Variants in MYLK observed in about 807,000 individuals in gnomAD.
MYLK encodes the protein myosin light chain kinase, smooth muscle.
A neutral mutation model predicts 203.4 loss-of-function variants in MYLK; 106 were observed. The observed-to-expected ratio is 0.52, with a 90% CI of 0.45 to 0.61. The LOEUF is 0.61. Ranked by LOEUF, MYLK falls within the 20% of genes least tolerant of loss-of-function variation. The pLI, the probability that MYLK is intolerant of heterozygous loss-of-function variation, is 0.00. For missense variants in MYLK, 2,072 were observed against 2,442.3 expected (o/e 0.85, Z 3.20); for synonymous variants, 867 against 959.5 (o/e 0.90, Z 1.78).
At chr3:123,672,317 C>T (rs1051821617) in intron 20 of MYLK, among the ~76,000 whole-genome samples, 3 of 151,994 alleles carry the variant, frequency 2.0e-5, no homozygotes, top group African/African-American at 7.2e-5. Context: ...GAGAAAAGAA[C>T]ATGTGAGGAC....
At chr3:123,703,005 C>G (rs1460477368) in intron 16 of MYLK, among the ~76,000 whole-genome samples, 1 of 152,184 alleles carries the variant, frequency 6.6e-6, no homozygotes, top group Non-Finnish European at 1.5e-5. Flanking sequence ...AGTTATCAAC[C>G]ATACACATGA....
intron 18 of MYLK, among the ~76,000 whole-genome samples, chr3:123,695,388 A>C (rs1174943778): frequency 3.3e-5 from 5 of 152,234 alleles, no homozygotes; most frequent in Non-Finnish European, 1.5e-5. Flanking sequence ...ACCCTGTCTA[A>C]CACCACTGTT....
At chr3:123,873,241 A>G (rs1298482978) in intron 2 of MYLK, among the ~76,000 whole-genome samples, 1 of 152,206 alleles carries the variant, frequency 6.6e-6, no homozygotes, top group Non-Finnish European at 1.5e-5. Flanking sequence ...ACAAATCATT[A>G]TTCATTCACG....
chr3:123,820,640 TTCCC>T (rs769326334), intron 3 of MYLK, among the ~76,000 whole-genome samples: 23,254 of 115,428 alleles, frequency 0.2, 2,458 homozygotes, highest in Non-Finnish European at 0.27. Context: ...CCTTCCTTCC[TTCCC>T]TCCTTCCTTC....
intron 3 of MYLK, among the ~76,000 whole-genome samples, chr3:123,803,302 T>C (rs2065259469): frequency 6.6e-6 from 1 of 152,226 alleles, no homozygotes. Flanking sequence ...CTATCGTTAA[T>C]GGTGTTACTG....
chr3:123,854,065 A>G (rs1402288626), intron 2 of MYLK, among the ~76,000 whole-genome samples: 3 of 151,402 alleles, frequency 2.0e-5, no homozygotes, highest in Admixed American at 6.6e-5. Flanking sequence ...AATTTGGAAG[A>G]GAACTAAGAC....
intron 4 of MYLK, among the ~76,000 whole-genome samples, chr3:123,785,970 T>C (rs1025069649): frequency 6.6e-6 from 1 of 152,154 alleles, no homozygotes. Flanking sequence ...AAGCAAAAGA[T>C]AAACAATAAT....
rs957217352 is a variant in MYLK, at chr3:123,638,796, G to T, written c.4838-602C>A. The T allele has an allele frequency of 5.1e-6, 5 of 985,280 alleles. No individual in the cohort carries two copies. In the African/African-American group the frequency reaches 7.0e-5, roughly 14 times the overall value. 61.0% of individuals were successfully genotyped at this position (985,280 alleles called of 1,614,324 possible). A position where few individuals can be genotyped will look rare whatever the true frequency, so the allele number is the denominator to read the frequency against. ...CATGGCTGTCCTTCAGGAGCTACTG[G>T]TAGGGTAGTCGGGAGAGGCTTCAAC... On this transcript the variant is annotated intron_variant, in intron 28 of 33. Transcript: ENST00000360304.
At chr3:123,678,129 G>A (rs2060137849) in intron 20 of MYLK, among the ~76,000 whole-genome samples, 1 of 151,766 alleles carries the variant, frequency 6.6e-6, no homozygotes, top group African/African-American at 2.4e-5. Context: ...CGGCTGAAGT[G>A]ACATAGATCG....
chr3:123,850,012 C>T (rs941949181), intron 2 of MYLK, among the ~76,000 whole-genome samples: 13 of 152,194 alleles, frequency 8.5e-5, no homozygotes, highest in African/African-American at 2.4e-4. Flanking sequence ...TTTGTCCTTG[C>T]GATAGTTTGC....
At chr3:123,815,208 T>C (rs1256048525) in intron 3 of MYLK, among the ~76,000 whole-genome samples, 1 of 152,310 alleles carries the variant, frequency 6.6e-6, no homozygotes, top group Middle Eastern at 3.4e-3. Context: ...TCCTCTTGAT[T>C]CCTGTCAACT....
chr3:123,673,009 C>T (rs1276359524), intron 20 of MYLK, among the ~76,000 whole-genome samples: 1 of 152,094 alleles, frequency 6.6e-6, no homozygotes, highest in Non-Finnish European at 1.5e-5. Context: ...TGGTGACTTG[C>T]TAGGTTCATA....
At chr3:123,773,066 T>C (rs1270410304) in intron 4 of MYLK, among the ~76,000 whole-genome samples, 1 of 152,038 alleles carries the variant, frequency 6.6e-6, no homozygotes, top group Non-Finnish European at 1.5e-5. Flanking sequence ...GATGTTTATG[T>C]TTATTTAAAA....
At position 123,707,740 on chromosome 3, in the gene MYLK, A is replaced by G; in HGVS notation, c.2390+14T>C. On this transcript the variant is annotated intron_variant, in intron 16 of 33. Coordinates refer to ENST00000360304, the MANE Select transcript of MYLK (RefSeq NM_053025.4). ...GGAAGGGTTAAGGGAGGCTGGCTGG[A>G]CATGCAGACTCACTTGAGCAGGATC... The G allele has an allele frequency of 6.2e-7, 1 of 1,614,116 alleles. No individual in the cohort carries two copies. The highest frequency in any genetic ancestry group is 8.5e-7 in the Non-Finnish European group (1 of 1,180,044).
At chr3:123,671,848 C>T (rs113001013) in intron 20 of MYLK, among the ~76,000 whole-genome samples, 16 of 152,084 alleles carry the variant, frequency 1.1e-4, no homozygotes, top group African/African-American at 2.2e-4. Flanking sequence ...GGATATGGGA[C>T]GCCTGTGACT....
At position 123,737,448 on chromosome 3, in the gene MYLK, C is replaced by T. The variant is rs2062715109; in HGVS notation, c.684G>A (p.Val228=). 1.2e-6 allele frequency: 2 copies of T among 1,614,082 alleles called. No homozygotes were observed. The highest frequency in any genetic ancestry group is 1.7e-5 in the Admixed American group (1 of 60,010). ...LEIHGVNQDD[V]GVYTCLVVNG... ...TCACCACCAGGCACGTGTACACTCCCACGTCATCTTGGTTGACTCCATGGA... is the reference window on the plus strand; with the variant it reads ...TCACCACCAGGCACGTGTACACTCCTACGTCATCTTGGTTGACTCCATGGA... The change falls in exon 8 of 34, where the codon GTG becomes GTA. Residue 228 remains valine, a synonymous_variant. Transcript: ENST00000360304.
chr3:123,670,909 C>A (rs2059894561), intron 20 of MYLK, among the ~76,000 whole-genome samples: 1 of 152,232 alleles, frequency 6.6e-6, no homozygotes. Flanking sequence ...ATGCTAAGCT[C>A]ACGAGCTAAG....
chr3:123,628,317 C>A (rs820449), intron 30 of MYLK, among the ~76,000 whole-genome samples: 3,791 of 152,274 alleles, frequency 0.025, 68 homozygotes, highest in Middle Eastern at 0.088. Context: ...GCCTTCCTGC[C>A]CCGAACAGCC....
chr3:123,805,915 T>C (rs1028414393), intron 3 of MYLK, among the ~76,000 whole-genome samples: 3 of 151,922 alleles, frequency 2.0e-5, no homozygotes, highest in Admixed American at 2.0e-4. Context: ...TTTCTAACCA[T>C]GTCTGGCATG....
Sources: allele counts gnomAD v4.1 joint callset (sites outside exome capture counted in the v4.1 genomes callset), GRCh38; gene constraint gnomAD v4.1.1; transcripts MANE v1.5; gene names NCBI Gene and HGNC (gene_info 2026-07-23, HGNC 2026-07-21).